The following AGBL1 variants were observed in gnomAD, a reference collection of about 807,000 sequenced individuals.
AGBL1 encodes the protein cytosolic carboxypeptidase 4.
Under a neutral mutation model 118.9 loss-of-function variants are expected in AGBL1, and 130 were observed. The observed-to-expected ratio is 1.09, with a 90% confidence interval of 0.95 to 1.26. AGBL1 has a LOEUF of 1.26. Ranked by LOEUF, AGBL1 falls within the 50% of genes most tolerant of loss-of-function variation. AGBL1 has a pLI of 0.00. For missense variants in AGBL1, 1,584 were observed against 1,298.1 expected, an observed-to-expected ratio of 1.22 and a Z score of -3.38; for synonymous variants, 555 against 478.9, an observed-to-expected ratio of 1.16 and a Z score of -2.08.
At chr15:86,565,948 T>C (rs2083906965) in intron 21 of AGBL1, among the ~76,000 whole-genome samples, 1 of 152,210 alleles carries the variant, frequency 6.6e-6, no homozygotes, top group Non-Finnish European at 1.5e-5. Flanking sequence ...GGATATAATC[T>C]CCTAGCGTGC....
chr15:86,679,005 A>G (rs940811359), intron 22 of AGBL1, among the ~76,000 whole-genome samples: 1 of 152,094 alleles, frequency 6.6e-6, no homozygotes, highest in Non-Finnish European at 1.5e-5. Context: ...ATCTAAATGT[A>G]TGATGTTGCA....
intron 1 of AGBL1, among the ~76,000 whole-genome samples, chr15:86,116,003 A>C (rs1208548673): frequency 6.6e-6 from 1 of 152,210 alleles, no homozygotes; most frequent in Non-Finnish European, 1.5e-5. Flanking sequence ...TCACTTTTCC[A>C]ACTAAAATTC....
chr15:86,813,564 T>C (rs2141372335), intron 22 of AGBL1, among the ~76,000 whole-genome samples: 1 of 152,282 alleles, frequency 6.6e-6, no homozygotes, highest in Non-Finnish European at 1.5e-5. Flanking sequence ...AAAGCTGTCA[T>C]CCTAAGGCCC....
At chr15:86,314,883 A>G (rs967746175) in intron 17 of AGBL1, among the ~76,000 whole-genome samples, 13 of 152,194 alleles carry the variant, frequency 8.5e-5, no homozygotes, top group African/African-American at 3.1e-4. Context: ...AGAGTTGTAA[A>G]ACATGGGCTT....
intron 21 of AGBL1, among the ~76,000 whole-genome samples, chr15:86,610,298 GA>G: frequency 6.7e-6 from 1 of 148,300 alleles, no homozygotes; most frequent in East Asian, 2.0e-4. Flanking sequence ...CTGAGAAAGA[GA>G]AAAACTTAGT....
intron 1 of AGBL1, among the ~76,000 whole-genome samples, chr15:86,124,017 A>G (rs1898250783): frequency 6.6e-6 from 1 of 152,110 alleles, no homozygotes; most frequent in Admixed American, 6.6e-5. Context: ...AATCTAGTAA[A>G]GTCCAGAGTT....
intron 22 of AGBL1, among the ~76,000 whole-genome samples, chr15:86,741,660 T>A (rs923067918): frequency 6.6e-6 from 1 of 152,018 alleles, no homozygotes; most frequent in Non-Finnish European, 1.5e-5. Flanking sequence ...ACTGTTCTAA[T>A]TGACCTTCAG....
intron 22 of AGBL1, among the ~76,000 whole-genome samples, chr15:86,699,720 G>T (rs937124184): frequency 6.6e-6 from 1 of 152,054 alleles, no homozygotes. Flanking sequence ...TTAGACATGA[G>T]CACATGTGGT....
chr15:86,575,510 G>A (rs1470431960), intron 21 of AGBL1, among the ~76,000 whole-genome samples: 1 of 151,730 alleles, frequency 6.6e-6, no homozygotes, highest in Non-Finnish European at 1.5e-5. Flanking sequence ...AAAAAAATAA[G>A]TAAATAAATA....
chr15:86,771,682 T>A (rs1480096383), intron 22 of AGBL1, among the ~76,000 whole-genome samples: 1 of 152,008 alleles, frequency 6.6e-6, no homozygotes, highest in Admixed American at 6.6e-5. Context: ...ACATTGCTTG[T>A]CAGACATTCA....
intron 23 of AGBL1, among the ~76,000 whole-genome samples, chr15:86,959,617 C>G (rs1020391851): frequency 9.2e-5 from 14 of 152,028 alleles, no homozygotes; most frequent in South Asian, 6.2e-4. Context: ...TTTAAGCTCC[C>G]TATTTCAGAT....
intron 21 of AGBL1, among the ~76,000 whole-genome samples, chr15:86,578,089 G>A (rs1467518595): frequency 1.3e-5 from 2 of 152,148 alleles, no homozygotes; most frequent in African/African-American, 2.4e-5. Flanking sequence ...CGTGTGCCTG[G>A]AAAAGCCACA....
intron 17 of AGBL1, among the ~76,000 whole-genome samples, chr15:86,339,427 CT>C (rs1595987653): frequency 6.6e-6 from 1 of 152,038 alleles, no homozygotes; most frequent in East Asian, 1.9e-4. Flanking sequence ...TTTTAGTTCC[CT>C]TTTTGGCTCC....
chr15:86,439,582 G>A (rs1282371497), intron 18 of AGBL1, among the ~76,000 whole-genome samples: 1 of 152,110 alleles, frequency 6.6e-6, no homozygotes, highest in Non-Finnish European at 1.5e-5. Flanking sequence ...AATACATTTC[G>A]GTTTAGCAGG....
intron 1 of AGBL1, among the ~76,000 whole-genome samples, chr15:86,120,169 T>C (rs973254563): frequency 6.6e-6 from 1 of 152,220 alleles, no homozygotes; most frequent in Non-Finnish European, 1.5e-5. Context: ...GGTCATCTTT[T>C]GCTTTCTCCT....
intron 18 of AGBL1, among the ~76,000 whole-genome samples, chr15:86,450,910 A>G (rs182967308): frequency 6.6e-6 from 1 of 152,284 alleles, no homozygotes. Context: ...TTCTTACTGC[A>G]CTATCCTTAT....
chr15:86,689,285 A>G (rs1356368525), intron 22 of AGBL1, among the ~76,000 whole-genome samples: 1 of 152,124 alleles, frequency 6.6e-6, no homozygotes, highest in Non-Finnish European at 1.5e-5. Context: ...CCATCTCAGC[A>G]AGACTTTTCA....
chr15:86,146,619 C>T (rs2141662561), intron 3 of AGBL1, among the ~76,000 whole-genome samples: 1 of 152,296 alleles, frequency 6.6e-6, no homozygotes, highest in African/African-American at 2.4e-5. Context: ...ATGAGAGATA[C>T]ACCAGGCCAG....
chr15:86,993,362 C>G (rs964788650), intron 24 of AGBL1, among the ~76,000 whole-genome samples: 1 of 152,090 alleles, frequency 6.6e-6, no homozygotes, highest in African/African-American at 2.4e-5. Context: ...CTGTGATAGG[C>G]AATAATATAA....
Sources: allele counts gnomAD v4.1 joint callset (sites outside exome capture counted in the v4.1 genomes callset), GRCh38; gene constraint gnomAD v4.1.1; transcripts MANE v1.5; gene names NCBI Gene and HGNC (gene_info 2026-07-23, HGNC 2026-07-21).